The following SNTG1 variants were observed in gnomAD, a reference collection of about 807,000 sequenced individuals.
The protein encoded by SNTG1 is syntrophin gamma 1, also known as gamma-1-syntrophin.
In SNTG1, 39 loss-of-function variants were observed where a neutral mutation model predicts 74.7. The ratio of observed to expected loss-of-function variants is 0.52; its 90% confidence interval spans 0.40 to 0.68. The LOEUF is 0.68. Ranked by LOEUF, SNTG1 falls within the 30% of genes least tolerant of loss-of-function variation. The pLI is 0.00. For missense variants in SNTG1, 685 were observed against 609.5 expected, an observed-to-expected ratio of 1.12 and a Z score of -1.30; for synonymous variants, 254 against 217.1, an observed-to-expected ratio of 1.17 and a Z score of -1.49.
intron 8 of SNTG1, among the ~76,000 whole-genome samples, chr8:50,460,126 C>T (rs2093546899): frequency 6.6e-6 from 1 of 152,142 alleles, no homozygotes; most frequent in South Asian, 2.1e-4. Flanking sequence ...ACATTCCCAC[C>T]AACAGTGTAT....
intron 12 of SNTG1, among the ~76,000 whole-genome samples, chr8:50,587,590 C>T (rs1563615519): frequency 6.6e-6 from 1 of 152,052 alleles, no homozygotes; most frequent in African/African-American, 2.4e-5. Context: ...TTTGGGTGGC[C>T]GAGGCGGGCG....
chr8:50,339,573 A>G (rs1163485482), intron 2 of SNTG1, among the ~76,000 whole-genome samples: 1 of 151,996 alleles, frequency 6.6e-6, no homozygotes, highest in Non-Finnish European at 1.5e-5. Context: ...TTAGTATAGT[A>G]GTCTTATATT....
At chr8:50,502,737 A>T in intron 8 of SNTG1, 41 bp from the exon 9 acceptor site, 1 of 1,511,494 alleles carries the variant, frequency 6.6e-7, no homozygotes, top group Non-Finnish European at 9.1e-7. Context: ...ATAACATGAT[A>T]AATGTAATGA....
At chr8:50,101,251 T>C (rs185799103) in intron 1 of SNTG1, among the ~76,000 whole-genome samples, 65 of 152,194 alleles carry the variant, frequency 4.3e-4, no homozygotes, top group African/African-American at 1.6e-3. Flanking sequence ...TACACATGCG[T>C]CTGTTTTTAT....
intron 2 of SNTG1, among the ~76,000 whole-genome samples, chr8:50,260,494 A>C (rs2087128611): frequency 6.9e-6 from 1 of 145,754 alleles, no homozygotes; most frequent in Admixed American, 7.4e-5. Flanking sequence ...CACCCAGTAC[A>C]TCACATCCAG....
intron 4 of SNTG1, among the ~76,000 whole-genome samples, chr8:50,405,542 G>T (rs571261394): frequency 3.0e-4 from 45 of 151,988 alleles, no homozygotes; most frequent in Non-Finnish European, 6.2e-4. Context: ...ATGTATTTTA[G>T]ATACTAGTCC....
At chr8:50,206,892 A>G (rs2131878143) in intron 2 of SNTG1, among the ~76,000 whole-genome samples, 1 of 152,336 alleles carries the variant, frequency 6.6e-6, no homozygotes, top group Non-Finnish European at 1.5e-5. Flanking sequence ...ATGTTGAACC[A>G]GACTTTCATC....
chr8:50,582,874 A>G (rs2094620194), intron 12 of SNTG1, among the ~76,000 whole-genome samples: 1 of 152,194 alleles, frequency 6.6e-6, no homozygotes, highest in African/African-American at 2.4e-5. Context: ...AAAGATAGAA[A>G]AATACAGAAT....
chr8:49,959,490 C>A (rs1308801804), intron 1 of SNTG1, among the ~76,000 whole-genome samples: 1 of 152,208 alleles, frequency 6.6e-6, no homozygotes, highest in Non-Finnish European at 1.5e-5. Context: ...AATCTGCTTT[C>A]TGTCTGTATA....
chr8:49,918,166 T>C (rs1806212251), intron 1 of SNTG1, among the ~76,000 whole-genome samples: 1 of 152,176 alleles, frequency 6.6e-6, no homozygotes, highest in Admixed American at 6.6e-5. Context: ...CATCTTAATA[T>C]GTTTTTACAA....
intron 9 of SNTG1, among the ~76,000 whole-genome samples, chr8:50,508,731 T>A: frequency 1.3e-5 from 2 of 152,368 alleles, no homozygotes; most frequent in South Asian, 4.1e-4. Context: ...TCAAGAAGTA[T>A]CTGTCCATAT....
chr8:50,390,005 T>G (rs1303666661), intron 2 of SNTG1, among the ~76,000 whole-genome samples: 1 of 152,184 alleles, frequency 6.6e-6, no homozygotes, highest in Non-Finnish European at 1.5e-5. Context: ...ATGAGTAGAT[T>G]GCAAAAATTT....
At chr8:50,089,791 A>G (rs1263929635) in intron 1 of SNTG1, among the ~76,000 whole-genome samples, 1 of 152,102 alleles carries the variant, frequency 6.6e-6, no homozygotes, top group African/African-American at 2.4e-5. Flanking sequence ...AAATAGGAAC[A>G]CTTTTACACT....
chr8:50,233,018 C>T (rs2085708312), intron 2 of SNTG1, among the ~76,000 whole-genome samples: 1 of 151,430 alleles, frequency 6.6e-6, no homozygotes, highest in Non-Finnish European at 1.5e-5. Context: ...AATGAAATTC[C>T]TGCCAAAATT....
intron 4 of SNTG1, among the ~76,000 whole-genome samples, chr8:50,421,180 A>G (rs2093081817): frequency 6.6e-6 from 1 of 152,046 alleles, no homozygotes; most frequent in Non-Finnish European, 1.5e-5. Flanking sequence ...GGGCTCTTAG[A>G]TCTCCACAAG....
intron 4 of SNTG1, among the ~76,000 whole-genome samples, chr8:50,419,282 C>A (rs960717970): frequency 6.6e-6 from 1 of 152,150 alleles, no homozygotes; most frequent in Admixed American, 6.6e-5. Flanking sequence ...CACACACACA[C>A]AAAAGTGCCC....
At chr8:50,703,117 T>C (rs1457296985) in intron 15 of SNTG1, among the ~76,000 whole-genome samples, 1 of 152,122 alleles carries the variant, frequency 6.6e-6, no homozygotes, top group African/African-American at 2.4e-5. Context: ...ATAAGAAGTA[T>C]TTTTTTCTGC....
intron 1 of SNTG1, among the ~76,000 whole-genome samples, chr8:50,080,216 C>T (rs1470405819): frequency 1.3e-5 from 2 of 152,212 alleles, no homozygotes; most frequent in Middle Eastern, 3.4e-3. Flanking sequence ...TATGAGATGT[C>T]CTTCTCATCG....
chr8:50,145,671 T>C (rs2081835821), intron 1 of SNTG1, among the ~76,000 whole-genome samples: 2 of 152,270 alleles, frequency 1.3e-5, no homozygotes, highest in Middle Eastern at 3.4e-3. Context: ...CAAACTGAAA[T>C]ATTTTTCTCA....
Sources: gnomAD v4.1 joint callset for allele counts (sites outside exome capture counted in the v4.1 genomes callset) on GRCh38, gnomAD v4.1.1 for gene constraint, MANE v1.5 for transcripts, NCBI Gene and HGNC (gene_info 2026-07-23, HGNC 2026-07-21) for gene names.